The following PDE4D variants were observed in gnomAD, a reference collection of about 807,000 sequenced individuals.
PDE4D encodes 3',5'-cyclic-AMP phosphodiesterase 4D.
In PDE4D, 24 loss-of-function variants were observed where a neutral mutation model predicts 87.4. That is an observed-to-expected ratio of 0.27 (90% confidence interval 0.20 to 0.39). PDE4D has a LOEUF of 0.39. Ranked by LOEUF, PDE4D falls within the 10% of genes least tolerant of loss-of-function variation. The pLI is 1.00. For synonymous variants in PDE4D, 384 were observed against 383.2 expected, an observed-to-expected ratio of 1.00 and a Z score of -0.02; for missense variants, 714 against 1,041.0, an observed-to-expected ratio of 0.69 and a Z score of 4.32.
At position 59,019,889 on chromosome 5, in the gene PDE4D, A is replaced by G. The variant is rs1029227789; in HGVS notation, c.921+18970T>C. The stretch of plus-strand genomic sequence containing the variant: ...TGTTTCGCTATCTATCTATCTATCT[A>G]TCTATCTATCTATCTATCTATCTAT... On this transcript the variant is annotated intron_variant, in intron 6 of 14. Coordinates refer to ENST00000340635, the MANE Select transcript of PDE4D (RefSeq NM_001104631.2). Among the ~76,000 whole-genome samples the G allele has an allele frequency of 4.2e-5, 6 of 141,854 alleles. No homozygotes were observed. In the South Asian group the frequency reaches 1.1e-3, roughly 25 times the overall value. The allele number at this position is 141,854 out of a possible 152,430, so 93.1% of individuals were successfully genotyped here.
chr5:60,232,490 G>A (rs1745934162), intron 1 of PDE4D, among the ~76,000 whole-genome samples: 1 of 151,774 alleles, frequency 6.6e-6, no homozygotes, highest in South Asian at 2.1e-4. Context: ...ATCTAGACTT[G>A]GGAAGCAAAA....
chr5:59,179,919 T>C (rs184719153), intron 5 of PDE4D, among the ~76,000 whole-genome samples: 1 of 152,350 alleles, frequency 6.6e-6, no homozygotes, highest in East Asian at 1.9e-4. Flanking sequence ...CATTCTGTTT[T>C]TGGTTCAGCT....
intron 1 of PDE4D, among the ~76,000 whole-genome samples, chr5:59,771,476 A>T (rs1412119607): frequency 1.1e-5 from 1 of 94,238 alleles, no homozygotes; most frequent in African/African-American, 4.1e-5. Context: ...AAAGAAAGAA[A>T]GAAAGAAAGA....
At chr5:59,409,466 T>A (rs946767487) in intron 1 of PDE4D, among the ~76,000 whole-genome samples, 2 of 152,162 alleles carry the variant, frequency 1.3e-5, no homozygotes, top group Non-Finnish European at 2.9e-5. Context: ...GTGTTGGAGA[T>A]GGGCCCTGGT....
At chr5:60,086,284 T>C (rs907362843) in intron 2 of PDE4D, among the ~76,000 whole-genome samples, 15 of 152,232 alleles carry the variant, frequency 9.9e-5, no homozygotes, top group African/African-American at 3.6e-4. Flanking sequence ...CTATTTAGGC[T>C]TTCTGATATA....
chr5:59,097,003 T>C (rs1180810826), intron 5 of PDE4D, among the ~76,000 whole-genome samples: 3 of 152,206 alleles, frequency 2.0e-5, no homozygotes, highest in East Asian at 3.8e-4. Context: ...TAGGGAGTAT[T>C]CTCAAAGGAA....
chr5:59,326,310 T>C (rs1406541813), intron 1 of PDE4D, among the ~76,000 whole-genome samples: 1 of 152,170 alleles, frequency 6.6e-6, no homozygotes, highest in Admixed American at 6.5e-5. Context: ...GTTTGTTTCA[T>C]TTTTGTACTT....
chr5:60,110,769 C>A (rs1259604434), intron 2 of PDE4D, among the ~76,000 whole-genome samples: 1 of 151,796 alleles, frequency 6.6e-6, no homozygotes, highest in Non-Finnish European at 1.5e-5. Flanking sequence ...TACCAACAGA[C>A]AAATAGATAA....
At chr5:60,292,563 T>A (rs1321935483) in intron 1 of PDE4D, among the ~76,000 whole-genome samples, 1 of 152,248 alleles carries the variant, frequency 6.6e-6, no homozygotes, top group Non-Finnish European at 1.5e-5. Context: ...ACAAGTCTAA[T>A]TCTACTGAAT....
At chr5:60,401,246 G>A (rs1194390733) in intron 1 of PDE4D, among the ~76,000 whole-genome samples, 3 of 152,112 alleles carry the variant, frequency 2.0e-5, no homozygotes, top group African/African-American at 7.2e-5. Context: ...ACAAAAAGCC[G>A]GCTTCATGCT....
At chr5:59,165,923 C>T (rs1412189987) in intron 5 of PDE4D, among the ~76,000 whole-genome samples, 6 of 152,024 alleles carry the variant, frequency 3.9e-5, no homozygotes, top group Middle Eastern at 3.2e-3. Context: ...GGATCTCACT[C>T]GACTACTCCT....
intron 3 of PDE4D, among the ~76,000 whole-genome samples, chr5:59,969,229 G>A (rs1029476282): frequency 5.3e-5 from 8 of 152,076 alleles, no homozygotes; most frequent in African/African-American, 1.7e-4. Context: ...TTAGAACAAG[G>A]CATTAATTTA....
At chr5:59,527,368 T>G (rs1291459226) in intron 1 of PDE4D, among the ~76,000 whole-genome samples, 2 of 152,200 alleles carry the variant, frequency 1.3e-5, no homozygotes, top group Non-Finnish European at 2.9e-5. Context: ...TCTAGTACTA[T>G]GTTCACAAAG....
chr5:60,394,961 G>T (rs1330332554), intron 1 of PDE4D, among the ~76,000 whole-genome samples: 1 of 152,124 alleles, frequency 6.6e-6, no homozygotes. Context: ...AATATTAGCT[G>T]TCTCACATTT....
chr5:60,491,561 T>C (rs747463353), upstream of PDE4D: 2 of 152,248 alleles, frequency 1.3e-5, no homozygotes, highest in Non-Finnish European at 2.9e-5. Context: ...AAAACTCTTC[T>C]AGGTAATGAG....
intron 2 of PDE4D, among the ~76,000 whole-genome samples, chr5:60,112,320 C>A (rs545826288): frequency 2.8e-4 from 43 of 152,156 alleles, no homozygotes; most frequent in Non-Finnish European, 5.4e-4. Context: ...ACATCATAAC[C>A]AATGTATTAT....
At chr5:60,456,848 C>T (rs1194473968) in intron 1 of PDE4D, among the ~76,000 whole-genome samples, 1 of 152,172 alleles carries the variant, frequency 6.6e-6, no homozygotes, top group Non-Finnish European at 1.5e-5. Flanking sequence ...ACAAGAAGAT[C>T]CACTTTCCCA....
chr5:59,922,038 C>T (rs1487479528), intron 3 of PDE4D, among the ~76,000 whole-genome samples: 1 of 151,998 alleles, frequency 6.6e-6, no homozygotes, highest in Non-Finnish European at 1.5e-5. Flanking sequence ...TCTTTGTGCT[C>T]GGGGGAGGGA....
At chr5:59,357,838 A>C (rs544409534) in intron 1 of PDE4D, among the ~76,000 whole-genome samples, 1 of 152,320 alleles carries the variant, frequency 6.6e-6, no homozygotes, top group Admixed American at 6.5e-5. Context: ...CAATGTTAAC[A>C]ATGCAGCATA....
Sources: gnomAD v4.1 joint callset for allele counts (sites outside exome capture counted in the v4.1 genomes callset) on GRCh38, gnomAD v4.1.1 for gene constraint, MANE v1.5 for transcripts, NCBI Gene and HGNC (gene_info 2026-07-23, HGNC 2026-07-21) for gene names.